The following TMEM255B variants were observed in gnomAD, a reference collection of about 807,000 sequenced individuals.
TMEM255B encodes transmembrane protein 255B.
TMEM255B carries 35 observed loss-of-function variants against 34.5 expected under a neutral mutation model. The ratio of observed to expected loss-of-function variants is 1.01; its 90% CI spans 0.77 to 1.34. The LOEUF (loss-of-function observed/expected upper bound fraction) is 1.34, where lower values mean the gene tolerates loss of function less well. Among genes scored for constraint, TMEM255B ranks in the 40% most tolerant of loss-of-function variants. The probability of loss-of-function intolerance (pLI) is 0.00; values close to 1 mark genes in which losing one functional copy is unlikely to be tolerated. For synonymous variants in TMEM255B, 206 were observed against 201.2 expected, an observed-to-expected ratio of 1.02 and a Z score of -0.20; for missense variants, 432 against 433.2, an observed-to-expected ratio of 1.00 and a Z score of 0.02.
intron 3 of TMEM255B, among the ~76,000 whole-genome samples, chr13:113,773,541 G>A (rs769754629): frequency 6.6e-6 from 1 of 152,218 alleles, no homozygotes; most frequent in Non-Finnish European, 1.5e-5. Flanking sequence ...TCCCTCACTG[G>A]GGTGAGGAAG....
chr13:113,782,678 G>GC (rs916878614), intron 3 of TMEM255B, among the ~76,000 whole-genome samples: 8 of 151,312 alleles, frequency 5.3e-5, no homozygotes, highest in East Asian at 1.9e-4. Context: ...TGGTCGGAGG[G>GC]GGGGGCTTCA....
chr13:113,799,464 C>T (rs371905234), intron 5 of TMEM255B, 45 bp downstream of exon 5: 115 of 1,583,858 alleles, frequency 7.3e-5, no homozygotes, highest in Middle Eastern at 1.7e-4. Flanking sequence ...CTCAGCTAAC[C>T]CCGCCGACCC....
intron 3 of TMEM255B, among the ~76,000 whole-genome samples, chr13:113,784,856 C>T (rs1052592833): frequency 6.6e-6 from 1 of 152,158 alleles, no homozygotes; most frequent in African/African-American, 2.4e-5. Flanking sequence ...AGCCTCTGGC[C>T]CCAACACCTG....
In TMEM255B at chr13:113,807,537, A is replaced by G. The variant is rs2138584143; in HGVS notation, c.813+2509A>G. 1.7e-5 allele frequency among the ~76,000 whole-genome samples: 2 copies of G among 117,434 alleles called. 1 individual carries two copies. Among genetic ancestry groups the G allele is most frequent in the South Asian group, 6.4e-4 (2 of 3,124 alleles). 77.0% of individuals were successfully genotyped at this position (117,434 alleles called of 152,430 possible). A position where few individuals can be genotyped will look rare whatever the true frequency, so the allele number is the denominator to read the frequency against. On this transcript the variant is annotated intron_variant, in intron 8 of 8. Coordinates refer to ENST00000375353, the MANE Select transcript of TMEM255B (RefSeq NM_182614.4). ...TCCCTGTCACACGCAGGCTTACGGGATGTGGGGGGTAGTCCTCCCCGTCAC... is the reference window on the plus strand; with the variant it reads ...TCCCTGTCACACGCAGGCTTACGGGGTGTGGGGGGTAGTCCTCCCCGTCAC...
chr13:113,791,785 A>T (rs1174020446), intron 3 of TMEM255B, among the ~76,000 whole-genome samples: 3 of 152,002 alleles, frequency 2.0e-5, no homozygotes, highest in Non-Finnish European at 4.4e-5. Context: ...TTTGGTTGGG[A>T]ATTGTGCCCA....
intron 1 of TMEM255B, among the ~76,000 whole-genome samples, chr13:113,760,786 G>T (rs1346100831): frequency 1.0e-3 from 139 of 136,574 alleles, no homozygotes; most frequent in Non-Finnish European, 1.2e-3. Flanking sequence ...TCTGCTTTGG[G>T]GTATCGGGGG....
At chr13:113,781,072 T>C (rs2138542449) in intron 3 of TMEM255B, among the ~76,000 whole-genome samples, 1 of 152,328 alleles carries the variant, frequency 6.6e-6, no homozygotes, top group South Asian at 2.1e-4. Flanking sequence ...ACCTTTACAT[T>C]AGTGTACTAT....
At chr13:113,766,314 C>G in intron 2 of TMEM255B, 57 bp downstream of exon 2, 1 of 1,609,754 alleles carries the variant, frequency 6.2e-7, no homozygotes, top group Non-Finnish European at 8.5e-7. Context: ...GTGTGGCTCT[C>G]TCAGGGTGGA....
rs755075384 is a variant in TMEM255B, at chr13:113,806,081, G to A, written c.813+1053G>A. On this transcript the variant is annotated intron_variant, in intron 8 of 8. Coordinates refer to ENST00000375353, the MANE Select transcript of TMEM255B (RefSeq NM_182614.4). The surrounding 1 kb of genome is among the most constrained non-coding windows in gnomAD (Gnocchi z 4.2). The stretch of plus-strand genomic sequence containing the variant: ...ATATTCCACAAGAGGACCCTCTCCC[G>A]ACACATGACGTTGTCAGGAAAAGAT... Among the ~76,000 whole-genome samples, 2 of 152,146 alleles carry A rather than the reference G, an allele frequency of 1.3e-5. No individual in the cohort carries two copies. Among genetic ancestry groups the A allele is most frequent in the Non-Finnish European group, 2.9e-5 (2 of 68,016 alleles).
At chr13:113,800,229 A>G (rs1466849703) in intron 5 of TMEM255B, among the ~76,000 whole-genome samples, 3 of 17,982 alleles carry the variant, frequency 1.7e-4, no homozygotes, top group African/African-American at 2.7e-4. Flanking sequence ...CCATGTGTGT[A>G]TGTGGGGGGG....
chr13:113,815,270 C>T lies in TMEM255B; in HGVS notation c.*3367C>T, dbSNP rs1172935068. 1.3e-5 allele frequency: 2 copies of T among 150,212 alleles called. No homozygotes were observed. Among genetic ancestry groups the T allele is most frequent in the Admixed American group, 6.6e-5 (1 of 15,074 alleles). 9.3% of individuals were successfully genotyped at this position (150,212 alleles called of 1,614,324 possible). ...AGGGACATGGGTGACGGTCCGTCCA[C>T]GTGGGGTCACCGGCCACGGAGAGAG... On this transcript the variant is annotated 3_prime_UTR_variant, in exon 9 of 9. Transcript: ENST00000375353.
chr13:113,779,801 T>C (rs2050639791), intron 3 of TMEM255B, among the ~76,000 whole-genome samples: 1 of 152,212 alleles, frequency 6.6e-6, no homozygotes, highest in Non-Finnish European at 1.5e-5. Flanking sequence ...ATCTAAACTG[T>C]AGAAAATAAT....
intron 3 of TMEM255B, among the ~76,000 whole-genome samples, chr13:113,780,639 A>G (rs950986954): frequency 6.6e-6 from 1 of 152,246 alleles, no homozygotes; most frequent in African/African-American, 2.4e-5. Flanking sequence ...TGAACATTTT[A>G]GCTCTTCAAG....
At chr13:113,780,122 G>A (rs1455803273) in intron 3 of TMEM255B, among the ~76,000 whole-genome samples, 2 of 152,196 alleles carry the variant, frequency 1.3e-5, no homozygotes, top group African/African-American at 4.8e-5. Context: ...TTCCTCTCCT[G>A]TTGAGGTTCC....
At chr13:113,805,599 G>T (rs1220939437) in intron 8 of TMEM255B, among the ~76,000 whole-genome samples, 1 of 152,194 alleles carries the variant, frequency 6.6e-6, no homozygotes, top group Non-Finnish European at 1.5e-5. Flanking sequence ...TGTGGCCATG[G>T]GTGAAACAGA....
intron 8 of TMEM255B, among the ~76,000 whole-genome samples, chr13:113,810,170 C>G (rs1306174990): frequency 6.6e-6 from 1 of 152,084 alleles, no homozygotes; most frequent in East Asian, 1.9e-4. Flanking sequence ...GCTGAACACG[C>G]AGGCTCAGAC....
chr13:113,795,623 C>T (rs1158255440), intron 4 of TMEM255B, among the ~76,000 whole-genome samples: 1 of 136,672 alleles, frequency 7.3e-6, no homozygotes, highest in African/African-American at 2.8e-5. Context: ...ACACCACACA[C>T]CACACAACAC....
chr13:113,807,127 C>T (rs2051187659), intron 8 of TMEM255B, among the ~76,000 whole-genome samples: 1 of 152,194 alleles, frequency 6.6e-6, no homozygotes, highest in Admixed American at 6.5e-5. Context: ...TGTGAGGGGC[C>T]CGGCTTCTCC....
At chr13:113,762,009 A>G (rs1444646359) in intron 1 of TMEM255B, among the ~76,000 whole-genome samples, 1 of 152,182 alleles carries the variant, frequency 6.6e-6, no homozygotes, top group African/African-American at 2.4e-5. Context: ...TGCCTCTGCA[A>G]TAGAAACCTA....
Sources: gnomAD v4.1 joint callset for allele counts (sites outside exome capture counted in the v4.1 genomes callset) on GRCh38, gnomAD v4.1.1 for gene constraint, Gnocchi (gnomAD v3.1) non-coding constraint, MANE v1.5 for transcripts, NCBI Gene and HGNC (gene_info 2026-07-23, HGNC 2026-07-21) for gene names.